TMEM170A: variants seen among roughly 807,000 people sequenced by gnomAD.
TMEM170A encodes the protein transmembrane protein 170.
In TMEM170A, 18 loss-of-function variants were observed where a neutral mutation model predicts 12.8. The observed-to-expected ratio is 1.41, with a 90% CI of 0.97 to 2.09. TMEM170A has a LOEUF of 2.09. TMEM170A is among the 30% of genes most tolerant of loss of function. The pLI is 0.00. For synonymous variants in TMEM170A, 107 were observed against 76.2 expected, an observed-to-expected ratio of 1.40 and a Z score of -2.11; for missense variants, 220 against 179.9, an observed-to-expected ratio of 1.22 and a Z score of -1.28.
At chr16:75,463,653 G>A (rs1392730889) in intron 1 of TMEM170A, among the ~76,000 whole-genome samples, 1 of 152,216 alleles carries the variant, frequency 6.6e-6, no homozygotes, top group Non-Finnish European at 1.5e-5. Flanking sequence ...CAGGGCCACG[G>A]GCTCTAGTCT....
chr16:75,464,256 G>T, intron 1 of TMEM170A: 1 of 1,498,548 alleles, frequency 6.7e-7, no homozygotes, highest in Non-Finnish European at 8.8e-7. Flanking sequence ...TGCATCTCAC[G>T]CCCAGCGGGA....
chr16:75,460,431 G>A (rs1266765469), intron 1 of TMEM170A, among the ~76,000 whole-genome samples: 2 of 151,992 alleles, frequency 1.3e-5, no homozygotes, highest in Non-Finnish European at 2.9e-5. Flanking sequence ...GTCCCTCCAG[G>A]CACCCTGGGC....
chr16:75,460,278 T>C lies in TMEM170A; in HGVS notation c.133+4190A>G, dbSNP rs186536055. On this transcript the variant is annotated intron_variant, in intron 1 of 2. Coordinates refer to ENST00000561878, the MANE Select transcript of TMEM170A (RefSeq NM_145254.3). The stretch of plus-strand genomic sequence containing the variant: ...AATATTCTCAAATTAATTGTGATAG[T>C]TGTATAACTCTGTAAATATACTAAA... Among the ~76,000 whole-genome samples, 94 of 152,286 alleles carry C rather than the reference T, an allele frequency of 6.2e-4. 1 individual carries two copies. The East Asian group carries it at 0.016, about 25-fold the overall frequency.
chr16:75,453,815 AT>A (rs2079732643), intron 1 of TMEM170A, among the ~76,000 whole-genome samples: 1 of 152,236 alleles, frequency 6.6e-6, no homozygotes, highest in South Asian at 2.1e-4. Context: ...ATTAAGATAC[AT>A]ATAATCATCA....
chr16:75,450,826 A>G (rs1348234860), intron 2 of TMEM170A, among the ~76,000 whole-genome samples: 1 of 151,848 alleles, frequency 6.6e-6, no homozygotes, highest in Non-Finnish European at 1.5e-5. Flanking sequence ...ACTCAGCTAA[A>G]TTTTTTATTT....
At chr16:75,461,057 C>G (rs1053546863) in intron 1 of TMEM170A, among the ~76,000 whole-genome samples, 8 of 151,954 alleles carry the variant, frequency 5.3e-5, no homozygotes, top group African/African-American at 1.9e-4. Context: ...TTTACTTATA[C>G]TCATTTATTT....
At chr16:75,461,093 G>T (rs1483674511) in intron 1 of TMEM170A, among the ~76,000 whole-genome samples, 1 of 152,070 alleles carries the variant, frequency 6.6e-6, no homozygotes, top group East Asian at 1.9e-4. Flanking sequence ...TCGCTCTGTG[G>T]CCCAGGCTGG....
chr16:75,444,090 A>C lies in TMEM170A; in HGVS notation c.*3468T>G, dbSNP rs529097906. 6.6e-6 allele frequency: 1 copy of C among 151,922 alleles called. No individual in the cohort carries two copies. Among genetic ancestry groups the C allele is most frequent in the East Asian group, 1.9e-4 (1 of 5,164 alleles). The allele number at this position is 151,922 out of a possible 1,614,324, so 9.4% of individuals were successfully genotyped here. Reference sequence around the variant, plus strand: ...GAGACAGAGCAAGACTCCATTTCAAAAAAAAAAGAAAAAAAAATCAAGAAA... The same window carrying C: ...GAGACAGAGCAAGACTCCATTTCAACAAAAAAAGAAAAAAAAATCAAGAAA... On this transcript the variant is annotated 3_prime_UTR_variant, in exon 3 of 3. Transcript: ENST00000561878.
chr16:75,463,861 A>G (rs1006597382), intron 1 of TMEM170A, among the ~76,000 whole-genome samples: 2 of 152,230 alleles, frequency 1.3e-5, no homozygotes, highest in African/African-American at 2.4e-5. Context: ...AAGCTGTGCC[A>G]AAGATCTCGA....
At chr16:75,463,766 G>A (rs1659658156) in intron 1 of TMEM170A, among the ~76,000 whole-genome samples, 1 of 152,176 alleles carries the variant, frequency 6.6e-6, no homozygotes, top group African/African-American at 2.4e-5. Context: ...TTCAGGGCAC[G>A]GAGCGCTCTT....
At chr16:75,461,387 G>A (rs947341648) in intron 1 of TMEM170A, among the ~76,000 whole-genome samples, 5 of 152,098 alleles carry the variant, frequency 3.3e-5, no homozygotes, top group Admixed American at 6.6e-5. Flanking sequence ...CTAACCCTCC[G>A]TAGGTAAATG....
chr16:75,462,580 A>T (rs2079927062), intron 1 of TMEM170A, among the ~76,000 whole-genome samples: 1 of 152,216 alleles, frequency 6.6e-6, no homozygotes, highest in Non-Finnish European at 1.5e-5. Flanking sequence ...TCTGACCAAA[A>T]ATGTTTAATC....
rs528268582 is a variant in TMEM170A at position 75,445,077 on chromosome 16, G to T, written c.*2481C>A. The T allele has an allele frequency of 2.0e-5, 3 of 152,240 alleles. No individual in the cohort carries two copies. The highest frequency in any genetic ancestry group is 1.3e-4 in the Admixed American group (2 of 15,294). The allele number at this position is 152,240 out of a possible 1,614,324, so 9.4% of individuals were successfully genotyped here. A position where few individuals can be genotyped will look rare whatever the true frequency, so the allele number is the denominator to read the frequency against. ...GAGGCATCCTTCAGTAGAGATGATGGCAATCATTTCCCATAAGAAAAGTTA... is the reference window on the plus strand; with the variant it reads ...GAGGCATCCTTCAGTAGAGATGATGTCAATCATTTCCCATAAGAAAAGTTA... On this transcript the variant is annotated 3_prime_UTR_variant, in exon 3 of 3. Transcript: ENST00000561878.
chr16:75,458,877 A>G (rs1160464434), intron 1 of TMEM170A: 2 of 152,132 alleles, frequency 1.3e-5, no homozygotes. Flanking sequence ...TTGAGGATAT[A>G]TTTTTACAGA....
intron 2 of TMEM170A, chr16:75,451,405 G>T (rs1030261): frequency 1.3e-5 from 7 of 527,446 alleles, no homozygotes; most frequent in East Asian, 6.1e-5. Context: ...AAAAATTAGC[G>T]GGGCATGGTG....
Position 75,447,542 on chromosome 16 carries a change from A to C in TMEM170A, c.*16T>G, listed in dbSNP as rs200118018. 1 of 1,589,942 alleles carries C rather than the reference A, an allele frequency of 6.3e-7. No homozygotes were observed. The highest frequency in any genetic ancestry group is 8.5e-7 in the Non-Finnish European group (1 of 1,172,108). On this transcript the variant is annotated 3_prime_UTR_variant, in exon 3 of 3. Coordinates refer to ENST00000561878, the MANE Select transcript of TMEM170A (RefSeq NM_145254.3). ...CCATAAAGTTTAAGTTCAACATCTC[A>C]GCATAAGGATGTATGCTATAGAGTA...
intron 2 of TMEM170A, among the ~76,000 whole-genome samples, chr16:75,450,493 AT>A (rs1434261038): frequency 6.6e-6 from 1 of 152,108 alleles, no homozygotes; most frequent in Non-Finnish European, 1.5e-5. Context: ...TATTGTTCTC[AT>A]TTCTGTAACT....
At position 75,443,410 on chromosome 16, in the gene TMEM170A, C is replaced by T. The variant is rs758575337; in HGVS notation, c.*4148G>A. ...TTAAGCTGATCTGAGTCACAACCAG[C>T]CTTATAGAGTGCACAAAAAAGAAAT... On this transcript the variant is annotated 3_prime_UTR_variant, in exon 3 of 3. Transcript: ENST00000561878. The T allele has an allele frequency of 2.0e-5, 3 of 152,080 alleles. No homozygotes were observed. The highest frequency in any genetic ancestry group is 7.2e-5 in the African/African-American group (3 of 41,388). The allele number at this position is 152,080 out of a possible 1,614,324, so 9.4% of individuals were successfully genotyped here. A position where few individuals can be genotyped will look rare whatever the true frequency, so the allele number is the denominator to read the frequency against.
At chr16:75,464,355 G>T (rs34904236) in intron 1 of TMEM170A, 113 bp downstream of exon 1, 842,122 of 1,385,944 alleles carry the variant, frequency 0.61, 261,039 homozygotes, top group Admixed American at 0.68. Flanking sequence ...GGAGGACAGC[G>T]CCCACGCCGC....
Sources: gnomAD v4.1 joint callset for allele counts (sites outside exome capture counted in the v4.1 genomes callset) on GRCh38, gnomAD v4.1.1 for gene constraint, MANE v1.5 for transcripts, NCBI Gene and HGNC (gene_info 2026-07-23, HGNC 2026-07-21) for gene names.